The following COL4A6 variants were observed in gnomAD, a reference collection of about 807,000 sequenced individuals.
COL4A6 encodes collagen alpha-6(IV) chain.
COL4A6 carries 59 observed loss-of-function variants against 126.7 expected under a neutral mutation model. The observed-to-expected ratio is 0.47, with a 90% confidence interval of 0.38 to 0.58. The LOEUF is 0.58. Ranked by LOEUF, COL4A6 falls within the 20% of genes least tolerant of loss-of-function variation. The pLI is 0.00. For synonymous variants in COL4A6, 547 were observed against 496.6 expected (o/e 1.10, Z -1.35); for missense variants, 1,285 against 1,337.3 (o/e 0.96, Z 0.61).
At chrX:108,365,146 T>C (rs758377711) in intron 2 of COL4A6, among the ~76,000 whole-genome samples, 33 of 112,088 alleles carry the variant, frequency 2.9e-4, no homozygotes, top group Non-Finnish European at 1.1e-4. Context: ...CCTTTTCTAC[T>C]TCTTCATTTC....
At chrX:108,372,926 C>T (rs7892350) in intron 2 of COL4A6, among the ~76,000 whole-genome samples, 8,082 of 111,989 alleles carry the variant, frequency 0.072, 634 homozygotes, top group African/African-American at 0.23. Flanking sequence ...ATCACAATCA[C>T]AACTAAGTGG....
chrX:108,295,103 T>A lies in COL4A6; in HGVS notation c.144+15645A>T, dbSNP rs188737902. Reference sequence around the variant, plus strand: ...AATAGATCTGACAGCAATCTCTGTATCTTAGTAGGACAAATACATCTCCAT... The same window carrying A: ...AATAGATCTGACAGCAATCTCTGTAACTTAGTAGGACAAATACATCTCCAT... On this transcript the variant is annotated intron_variant, in intron 3 of 44. Coordinates refer to ENST00000334504, the MANE Select transcript of COL4A6 (RefSeq NM_033641.4). Among the ~76,000 whole-genome samples, 10 of 112,364 alleles carry A rather than the reference T, an allele frequency of 8.9e-5. No individual in the cohort carries two copies. In the East Asian group the frequency reaches 2.8e-3, roughly 31 times the overall value.
At chrX:108,421,791 A>T (rs1203843971) in intron 2 of COL4A6, among the ~76,000 whole-genome samples, 1 of 111,517 alleles carries the variant, frequency 9.0e-6, no homozygotes, top group African/African-American at 3.3e-5. Context: ...ATATACACCA[A>T]ATTTATGATG....
intron 3 of COL4A6, among the ~76,000 whole-genome samples, chrX:108,302,902 A>G (rs751921396): frequency 2.1e-4 from 23 of 111,337 alleles, no homozygotes; most frequent in East Asian, 1.4e-3. Flanking sequence ...TTAATCCTAA[A>G]TCTTAATTTC....
rs765983725 is a variant in COL4A6 at position 108,258,274 on chromosome X, G to C, written c.145-36900C>G. Among the ~76,000 whole-genome samples, 5 of 111,968 alleles carry C rather than the reference G, an allele frequency of 4.5e-5. No individual in the cohort carries two copies. The South Asian group carries it at 1.9e-3, about 42-fold the overall frequency. ...TTTTACACTTTGGCTCTGGTGGAGAGGACACTCACACCCTCTTTTCTGTCA... is the reference window on the plus strand; with the variant it reads ...TTTTACACTTTGGCTCTGGTGGAGACGACACTCACACCCTCTTTTCTGTCA... On this transcript the variant is annotated intron_variant, in intron 3 of 44. Transcript: ENST00000334504.
chrX:108,221,109 T>G, intron 4 of COL4A6, 131 bp downstream of exon 4: 2 of 889,341 alleles, frequency 2.2e-6, no homozygotes, highest in South Asian at 2.1e-5. Context: ...AAAAAAAAAA[T>G]GCAGAAATGC....
rs778435940 is a variant in COL4A6, at chrX:108,398,416, A to G, written c.63+39526T>C. ...TCAGAACAATTCCTTAAATGCATAA[A>G]CTAAACACATAACAGTGATTCCTAC... On this transcript the variant is annotated intron_variant, in intron 2 of 44. Transcript: ENST00000334504. 9.8e-5 allele frequency among the ~76,000 whole-genome samples: 11 copies of G among 111,798 alleles called. No homozygotes were observed. The East Asian group carries it at 3.1e-3, about 31-fold the overall frequency.
intron 3 of COL4A6, among the ~76,000 whole-genome samples, chrX:108,246,397 G>C (rs895310658): frequency 8.9e-6 from 1 of 112,046 alleles, no homozygotes. Flanking sequence ...TATCTGCTAA[G>C]AGTCCAATAG....
intron 2 of COL4A6, among the ~76,000 whole-genome samples, chrX:108,323,933 T>C (rs2039089508): frequency 8.9e-6 from 1 of 112,197 alleles, no homozygotes; most frequent in African/African-American, 3.2e-5. Context: ...AAACTGTATG[T>C]CCTTCTACAT....
intron 2 of COL4A6, among the ~76,000 whole-genome samples, chrX:108,424,406 TAGA>T (rs1193785678): frequency 6.2e-5 from 7 of 112,282 alleles, no homozygotes; most frequent in African/African-American, 2.3e-4. Context: ...CTTGTTTTTC[TAGA>T]AGTTTTCTTT....
At chrX:108,380,497 T>C (rs916225706) in intron 2 of COL4A6, among the ~76,000 whole-genome samples, 1 of 112,203 alleles carries the variant, frequency 8.9e-6, no homozygotes, top group Non-Finnish European at 1.9e-5. Context: ...AGCTTTTCCA[T>C]AAGGCAGTGA....
chrX:108,311,261 C>T (rs2038753515), intron 2 of COL4A6, among the ~76,000 whole-genome samples: 1 of 111,847 alleles, frequency 8.9e-6, no homozygotes, highest in African/African-American at 3.3e-5. Flanking sequence ...AAATGGCTAC[C>T]TTGTACTCTG....
At chrX:108,324,654 C>A (rs746596145) in intron 2 of COL4A6, among the ~76,000 whole-genome samples, 13 of 112,288 alleles carry the variant, frequency 1.2e-4, no homozygotes, top group African/African-American at 4.2e-4. Flanking sequence ...TACTTAAGAT[C>A]TATTTGTTAT....
intron 11 of COL4A6, 150 bp from the exon 12 acceptor site, chrX:108,204,562 A>G (rs1425428641): frequency 1.8e-6 from 1 of 560,419 alleles, no homozygotes; most frequent in Admixed American, 2.2e-5. Context: ...CAAAACTCTC[A>G]CTGCCAAAGG....
intron 29 of COL4A6, 139 bp from the exon 30 acceptor site, chrX:108,175,354 C>CCAACTTCACAAT (rs1244349360): frequency 6.7e-5 from 51 of 762,018 alleles, no homozygotes; most frequent in Non-Finnish European, 8.6e-5. Context: ...CCCTATTCCC[C>CCAACTTCACAAT]CAACTTCACA....
intron 2 of COL4A6, among the ~76,000 whole-genome samples, chrX:108,353,244 C>G (rs1276079821): frequency 8.9e-6 from 1 of 111,854 alleles, no homozygotes; most frequent in Non-Finnish European, 1.9e-5. Flanking sequence ...CTTCTCTTTC[C>G]CTGATTATTG....
At chrX:108,371,856 G>GAAAAAAAAAAAAAAAA (rs34557947) in intron 2 of COL4A6, among the ~76,000 whole-genome samples, 1 of 50,615 alleles carries the variant, frequency 2.0e-5, no homozygotes, top group Non-Finnish European at 3.6e-5. Context: ...CAATATGAAG[G>GAAAAAAAAAAAAAAAA]AAAAAAAAAA....
At chrX:108,357,832 T>C (rs2039992442) in intron 2 of COL4A6, among the ~76,000 whole-genome samples, 1 of 111,101 alleles carries the variant, frequency 9.0e-6, no homozygotes, top group African/African-American at 3.3e-5. Context: ...AGCAGTTACG[T>C]ATATGTTGTC....
chrX:108,224,328 T>C (rs1470295785), intron 3 of COL4A6, among the ~76,000 whole-genome samples: 1 of 112,226 alleles, frequency 8.9e-6, no homozygotes, highest in Admixed American at 9.4e-5. Flanking sequence ...AACTCACATA[T>C]ATTTTTTAAA....
Sources: allele counts gnomAD v4.1 joint callset (sites outside exome capture counted in the v4.1 genomes callset), GRCh38; gene constraint gnomAD v4.1.1; transcripts MANE v1.5; gene names NCBI Gene and HGNC (gene_info 2026-07-23, HGNC 2026-07-21).